The following TAF4 variants were observed in gnomAD, a reference collection of about 807,000 sequenced individuals.
TAF4 encodes transcription initiation factor TFIID subunit 4.
A neutral mutation model predicts 90.3 loss-of-function variants in TAF4; 9 were observed. The ratio of observed to expected loss-of-function variants is 0.10; its 90% CI spans 0.06 to 0.17. The LOEUF (loss-of-function observed/expected upper bound fraction) is 0.17. TAF4 is among the 10% of genes least tolerant of loss of function. The pLI is 1.00. For missense variants in TAF4, 1,351 were observed against 1,370.7 expected (o/e 0.99, Z 0.23); for synonymous variants, 818 against 638.9 (o/e 1.28, Z -4.23).
intron 1 of TAF4, among the ~76,000 whole-genome samples, chr20:62,038,115 G>A (rs183163506): frequency 1.3e-4 from 20 of 151,876 alleles, no homozygotes; most frequent in East Asian, 7.8e-4. Flanking sequence ...AGCAAGCTCC[G>A]CCTCCCAGGT....
At chr20:62,052,552 C>T (rs1375706145) in intron 1 of TAF4, among the ~76,000 whole-genome samples, 1 of 151,930 alleles carries the variant, frequency 6.6e-6, no homozygotes, top group Non-Finnish European at 1.5e-5. Context: ...GGGTCACTGC[C>T]TCCCCTGCAT....
chr20:62,054,863 CCT>C (rs1491406898), intron 1 of TAF4, among the ~76,000 whole-genome samples: 7 of 152,132 alleles, frequency 4.6e-5, no homozygotes, highest in Non-Finnish European at 5.9e-5. Flanking sequence ...CAGCTGCTCC[CCT>C]GAGCTCCTGC....
At chr20:62,031,707 T>C (rs1475206276) in intron 1 of TAF4, among the ~76,000 whole-genome samples, 10 of 152,250 alleles carry the variant, frequency 6.6e-5, no homozygotes, top group Non-Finnish European at 1.2e-4. Context: ...GGGTTATGAG[T>C]ACTTTTCTTA....
intron 14 of TAF4, among the ~76,000 whole-genome samples, chr20:61,978,081 G>A (rs2055507735): frequency 7.6e-6 from 1 of 130,726 alleles, no homozygotes; most frequent in Non-Finnish European, 1.7e-5. Context: ...CCAAGGGAGG[G>A]CGCGAGACCA....
chr20:61,988,199 A>G (rs1433024885), intron 14 of TAF4, among the ~76,000 whole-genome samples: 1 of 152,154 alleles, frequency 6.6e-6, no homozygotes, highest in Non-Finnish European at 1.5e-5. Context: ...CCTGATGGGA[A>G]CTATGGAAGC....
chr20:61,999,001 G>C lies in TAF4; in HGVS notation c.2895C>G (p.Ile965Met). 1 of 1,613,804 alleles carries C rather than the reference G, an allele frequency of 6.2e-7. No homozygotes were observed. Among genetic ancestry groups the C allele is most frequent in the Non-Finnish European group, 8.5e-7 (1 of 1,180,022 alleles). The change falls in exon 12 of 15, where the codon ATC (isoleucine) becomes ATG (methionine). Residue 965 changes from isoleucine to methionine, a missense_variant. Physicochemically the swap from Ile to Met is conservative, Grantham distance 10. Around this residue, in one of 9 missense-constraint regions of TAF4, gnomAD observed 95 missense variants for 151.3 expected, o/e 0.63. Transcript: ENST00000252996. Reference sequence around the variant, plus strand: ...CACTCGCCTTTGCTGCCCTCATCAGGATCTCCCGCTCCTGCTCATCCTTCC... The same window carrying C: ...CACTCGCCTTTGCTGCCCTCATCAGCATCTCCCGCTCCTGCTCATCCTTCC... ...KQRKDEQEREILMRAAKSRSR... is the reference protein window; with the variant it reads ...KQRKDEQEREMLMRAAKSRSR...
intron 9 of TAF4, among the ~76,000 whole-genome samples, chr20:62,001,077 T>C (rs188353632): frequency 1.3e-5 from 2 of 152,388 alleles, no homozygotes; most frequent in African/African-American, 4.8e-5. Context: ...CATTAAATTC[T>C]TTTTAAAGGC....
At position 61,997,536 on chromosome 20, in the gene TAF4, C is replaced by A; in HGVS notation, c.3090+14G>T. The stretch of plus-strand genomic sequence containing the variant: ...TGTTTCCCCCAGGACCTCGATCCCA[C>A]AACACTGCCGTACCTCTGCTCCTGA... On this transcript the variant is annotated intron_variant, in intron 14 of 14. Coordinates refer to ENST00000252996, the MANE Select transcript of TAF4 (RefSeq NM_003185.4). The A allele has an allele frequency of 6.4e-7, 1 of 1,567,772 alleles. No homozygotes were observed. The highest frequency in any genetic ancestry group is 1.9e-5 in the Admixed American group (1 of 52,080).
chr20:61,984,871 A>C (rs1447702737), intron 14 of TAF4, among the ~76,000 whole-genome samples: 1 of 97,326 alleles, frequency 1.0e-5, no homozygotes, highest in African/African-American at 4.3e-5. Flanking sequence ...GGGACAGGGC[A>C]GGAGGAGGGA....
chr20:61,979,403 G>A (rs1056452601), intron 14 of TAF4: 6 of 150,806 alleles, frequency 4.0e-5, no homozygotes, highest in African/African-American at 1.3e-4. Flanking sequence ...GGCCACTCTA[G>A]AGGGACTGCG....
intron 14 of TAF4, among the ~76,000 whole-genome samples, chr20:61,993,187 C>T (rs577975481): frequency 3.0e-4 from 45 of 152,340 alleles, no homozygotes; most frequent in Non-Finnish European, 4.7e-4. Flanking sequence ...CCATCTCCAA[C>T]CTCAAGGGAC....
chr20:62,010,266 G>GTCCTCC lies in TAF4; in HGVS notation c.1642-102_1642-101insGGAGGA. ...AGCAAAAGAAAACAAGCCTCCCTGC[G>GTCCTCC]GTGGCCAGGACGCCCAGGAAGCCAA... On this transcript the variant is annotated intron_variant, in intron 3 of 14. Coordinates refer to ENST00000252996, the MANE Select transcript of TAF4 (RefSeq NM_003185.4). The surrounding 1 kb of genome is among the most constrained non-coding windows in gnomAD (Gnocchi z 4.5). The GTCCTCC allele has an allele frequency of 6.4e-7, 1 of 1,563,624 alleles. No homozygotes were observed. The highest frequency in any genetic ancestry group is 1.9e-4 in the Middle Eastern group (1 of 5,296).
chr20:62,057,314 A>C (rs933752405), intron 1 of TAF4, among the ~76,000 whole-genome samples: 1 of 152,174 alleles, frequency 6.6e-6, no homozygotes, highest in African/African-American at 2.4e-5. Context: ...TGCCTTGTCC[A>C]CGCACTGTCC....
In TAF4 at chr20:62,029,134, T is replaced by C. The variant is rs567779290; in HGVS notation, c.1361-14427A>G. ...TGGTGTGAACCCAGGAGGCAGAGGT[T>C]GCAGTGACCCAAGATCGCGCCACTG... On this transcript the variant is annotated intron_variant, in intron 1 of 14. Coordinates refer to ENST00000252996, the MANE Select transcript of TAF4 (RefSeq NM_003185.4). Among the ~76,000 whole-genome samples, 74 of 150,130 alleles carry C rather than the reference T, an allele frequency of 4.9e-4. 1 individual carries two copies. Among genetic ancestry groups the C allele is most frequent in the African/African-American group, 1.5e-4 (6 of 40,666 alleles).
intron 1 of TAF4, among the ~76,000 whole-genome samples, chr20:62,039,090 G>A (rs976772115): frequency 2.0e-5 from 3 of 151,918 alleles, no homozygotes; most frequent in Non-Finnish European, 2.9e-5. Flanking sequence ...GGTATCAAGA[G>A]GCTTTTTTTG....
chr20:62,050,568 A>C (rs926533198), intron 1 of TAF4, among the ~76,000 whole-genome samples: 2 of 152,134 alleles, frequency 1.3e-5, no homozygotes, highest in Admixed American at 1.3e-4. Context: ...GAGTAAAGGA[A>C]TTTAAATGGT....
chr20:62,001,680 G>A (rs2055704772), intron 9 of TAF4, among the ~76,000 whole-genome samples: 1 of 152,130 alleles, frequency 6.6e-6, no homozygotes, highest in East Asian at 1.9e-4. Context: ...GGTGGTCACG[G>A]GCTGTGGCTG....
chr20:62,003,953 T>G, intron 7 of TAF4, 75 bp from the exon 8 acceptor site: 1 of 1,477,358 alleles, frequency 6.8e-7, no homozygotes, highest in Non-Finnish European at 8.9e-7. Flanking sequence ...AGCAGGAGGT[T>G]CTTCCCTTCC....
At chr20:62,047,957 C>T (rs575782071) in intron 1 of TAF4, among the ~76,000 whole-genome samples, 22 of 152,316 alleles carry the variant, frequency 1.4e-4, no homozygotes, top group Admixed American at 3.3e-4. Flanking sequence ...GCCCCGGGAC[C>T]GCCCCACATC....
Sources: gnomAD v4.1 joint callset for allele counts (sites outside exome capture counted in the v4.1 genomes callset) on GRCh38, gnomAD v4.1.1 for gene constraint, gnomAD v4.1.1 regional missense constraint, Gnocchi (gnomAD v3.1) non-coding constraint, MANE v1.5 for transcripts, NCBI Gene and HGNC (gene_info 2026-07-23, HGNC 2026-07-21) for gene names.